BIRC6: variants seen among roughly 807,000 people sequenced by gnomAD.
BIRC6 encodes dual E2 ubiquitin-conjugating enzyme/E3 ubiquitin-protein ligase BIRC6.
BIRC6 carries 98 observed loss-of-function variants against 503.3 expected under a neutral mutation model. That is an observed-to-expected ratio of 0.19 (90% CI 0.17 to 0.23). BIRC6 has a LOEUF of 0.23. BIRC6 is among the 10% of genes least tolerant of loss of function. BIRC6 has a pLI of 1.00. For synonymous variants in BIRC6, 2,240 were observed against 2,078.7 expected (o/e 1.08, Z -2.11); for missense variants, 5,360 against 5,806.0 (o/e 0.92, Z 2.50).
Position 32,547,998 on chromosome 2 carries a change from T to C in BIRC6, c.12959T>C (p.Val4320Ala). The stretch of plus-strand genomic sequence containing the variant: ...AAGCAAAGGCTGGAAGAGGAACATG[T>C]TACCTGCCTTCTGCAGGTATATTTG... ...LTKQRLEEEH[V>A]TCLLQVLASY... is the part of the protein sequence containing the mutation. The change falls in exon 64 of 74, where the codon GTT becomes GCT. Residue 4320 changes from valine to alanine, a missense_variant. Around this residue, in one of 16 missense-constraint regions of BIRC6, gnomAD observed 477 missense variants for 574.4 expected, o/e 0.83. Transcript: ENST00000421745. The C allele has an allele frequency of 6.2e-7, 1 of 1,602,750 alleles. No individual in the cohort carries two copies. The highest frequency in any genetic ancestry group is 8.5e-7 in the Non-Finnish European group (1 of 1,176,744).
chr2:32,358,937 C>T (rs1020577506), intron 1 of BIRC6, among the ~76,000 whole-genome samples: 1 of 152,250 alleles, frequency 6.6e-6, no homozygotes, highest in South Asian at 2.1e-4. Context: ...GGGAGATGCT[C>T]ATTGGTAATT....
chr2:32,384,264 C>T (rs1353149836), intron 3 of BIRC6, among the ~76,000 whole-genome samples: 1 of 152,198 alleles, frequency 6.6e-6, no homozygotes, highest in East Asian at 1.9e-4. Context: ...ACTCCATAAC[C>T]TTTCAGCATG....
intron 15 of BIRC6, among the ~76,000 whole-genome samples, chr2:32,438,960 A>C (rs552841010): frequency 6.6e-6 from 1 of 152,318 alleles, no homozygotes; most frequent in African/African-American, 2.4e-5. Context: ...AAACTGAGCC[A>C]CAGAGAGGAT....
intron 40 of BIRC6, among the ~76,000 whole-genome samples, 158 bp downstream of exon 40, chr2:32,485,917 GAAAAC>G (rs1201220854): frequency 2.6e-5 from 4 of 152,172 alleles, no homozygotes; most frequent in Admixed American, 1.3e-4. Context: ...GTAGCAAGTT[GAAAAC>G]TAAGACAAAG....
At chr2:32,451,344 C>A (rs925842558) in intron 22 of BIRC6, among the ~76,000 whole-genome samples, 2 of 152,074 alleles carry the variant, frequency 1.3e-5, no homozygotes, top group Non-Finnish European at 2.9e-5. Flanking sequence ...GTTCTATAGA[C>A]CCCCAAAGGG....
chr2:32,451,951 A>G (rs1396532465), intron 22 of BIRC6, among the ~76,000 whole-genome samples: 1 of 152,188 alleles, frequency 6.6e-6, no homozygotes, highest in Non-Finnish European at 1.5e-5. Flanking sequence ...CAAATGATCA[A>G]TGCATGATGT....
intron 26 of BIRC6, 46 bp downstream of exon 26, chr2:32,465,210 G>GTTTTTTT (rs1572420306): frequency 1.3e-6 from 1 of 770,200 alleles, no homozygotes; most frequent in Non-Finnish European, 1.8e-6. Context: ...TTTTTGCTTA[G>GTTTTTTT]TCTGCCGGCC....
intron 65 of BIRC6, chr2:32,563,935 G>C (rs1361921447): frequency 6.6e-6 from 1 of 152,102 alleles, no homozygotes; most frequent in African/African-American, 2.4e-5. Flanking sequence ...AAAATGAGCC[G>C]AGTGTGGTGG....
chr2:32,380,542 C>G (rs1435262400), intron 3 of BIRC6, among the ~76,000 whole-genome samples: 1 of 152,076 alleles, frequency 6.6e-6, no homozygotes, highest in Non-Finnish European at 1.5e-5. Context: ...GCCTGGCCAA[C>G]ATGGCGAAAC....
At chr2:32,489,143 T>C (rs2051371599) in intron 42 of BIRC6, among the ~76,000 whole-genome samples, 1 of 151,864 alleles carries the variant, frequency 6.6e-6, no homozygotes, top group African/African-American at 2.4e-5. Context: ...AAAATATGAG[T>C]ATGGGAATGG....
At position 32,436,108 on chromosome 2, in the gene BIRC6, A is replaced by C; in HGVS notation, c.3555A>C (p.Pro1185=). The change falls in exon 15 of 74, where the codon CCA becomes CCC. Residue 1185 remains proline, a synonymous_variant. Transcript: ENST00000421745. ...ATAAAGAAGACATTCTATGTGGGCC[A>C]GTATGGCTTGCTAGTGGCCTTGATC... is the stretch of plus-strand genomic sequence containing the variant. The part of the protein sequence containing the change: ...EDHKEDILCG[P]VWLASGLDLS... 1 of 1,501,814 alleles carries C rather than the reference A, an allele frequency of 6.7e-7. No homozygotes were observed. Among genetic ancestry groups the C allele is most frequent in the Non-Finnish European group, 9.0e-7 (1 of 1,112,066 alleles). The allele number at this position is 1,501,814 out of a possible 1,614,324, so 93.0% of individuals were successfully genotyped here.
chr2:32,521,365 CAAAAA>C (rs35410265), intron 57 of BIRC6, among the ~76,000 whole-genome samples: 1,477 of 21,188 alleles, frequency 0.07, 2 homozygotes, highest in Non-Finnish European at 0.095. Context: ...GACCTCATCT[CAAAAA>C]AAAAAAAAAA....
Position 32,515,551 on chromosome 2 carries a change from A to G in BIRC6, c.11130A>G (p.Pro3710=), listed in dbSNP as rs778632476. Residue 3710 remains proline, a synonymous_variant, in exon 55 of 74, where the codon CCA becomes CCG. Coordinates refer to ENST00000421745, the MANE Select transcript of BIRC6 (RefSeq NM_016252.4). ...KDWLGGSEVN[P]LWTALLFLLC... ...GGCTTGGTGGTTCTGAAGTCAATCC[A>G]CTATGGACAGCACTTCTGTTTTTAT... 3 of 1,613,904 alleles carry G rather than the reference A, an allele frequency of 1.9e-6. No individual in the cohort carries two copies. The highest frequency in any genetic ancestry group is 3.3e-5 in the Admixed American group (2 of 60,002).
intron 22 of BIRC6, among the ~76,000 whole-genome samples, chr2:32,453,183 T>G (rs969079404): frequency 2.6e-5 from 4 of 152,218 alleles, no homozygotes; most frequent in African/African-American, 9.6e-5. Context: ...TTGCTGTGGT[T>G]TTATTGGTCA....
chr2:32,455,379 C>CA (rs758202958), intron 23 of BIRC6, among the ~76,000 whole-genome samples: 1,399 of 87,850 alleles, frequency 0.016, 7 homozygotes, highest in East Asian at 0.036. Context: ...ACTCTGTCTC[C>CA]AAAAAAAAAA....
At chr2:32,592,703 C>G (rs993699437) in intron 66 of BIRC6, among the ~76,000 whole-genome samples, 1 of 151,924 alleles carries the variant, frequency 6.6e-6, no homozygotes, top group African/African-American at 2.4e-5. Context: ...TCAAGTGATT[C>G]TCCTGCCTCA....
chr2:32,357,809 C>T lies in BIRC6; in HGVS notation c.325+323C>T, dbSNP rs947788061. ...GCTTGGCACCGGAGGAAGCGAGGCC[C>T]GGGTAGGCCCTGGAGAGGCTGTCGG... On this transcript the variant is annotated intron_variant, in intron 1 of 73. Transcript: ENST00000421745. The surrounding 1 kb of genome is among the most constrained non-coding windows in gnomAD (Gnocchi z 4.9). Among the ~76,000 whole-genome samples the T allele has an allele frequency of 6.6e-6, 1 of 152,030 alleles. No homozygotes were observed. The highest frequency in any genetic ancestry group is 2.4e-5 in the African/African-American group (1 of 41,414).
At chr2:32,451,775 T>G (rs1237238154) in intron 22 of BIRC6, among the ~76,000 whole-genome samples, 2 of 152,192 alleles carry the variant, frequency 1.3e-5, no homozygotes, top group Non-Finnish European at 2.9e-5. Context: ...GACAGTTGTT[T>G]TTTGAAAAGT....
rs371686332 is a variant in BIRC6, at chr2:32,599,915, A to G, written c.13992+15A>G. The stretch of plus-strand genomic sequence containing the variant: ...ATGATGGCAAGGTAAATTAATTGCA[A>G]TTTTTTGTTTCAAATGCCAATGATT... On this transcript the variant is annotated intron_variant, in intron 70 of 73. Transcript: ENST00000421745. 1.3e-5 allele frequency: 21 copies of G among 1,605,888 alleles called. No individual in the cohort carries two copies. In the African/African-American group the frequency reaches 1.6e-4, roughly 12 times the overall value.
Sources: allele counts gnomAD v4.1 joint callset (sites outside exome capture counted in the v4.1 genomes callset), GRCh38; gene constraint gnomAD v4.1.1; regional missense constraint gnomAD v4.1.1; non-coding constraint Gnocchi (gnomAD v3.1); transcripts MANE v1.5; gene names NCBI Gene and HGNC (gene_info 2026-07-23, HGNC 2026-07-21).